Variants in SLC11A2 observed in about 807,000 individuals in gnomAD.
The protein encoded by SLC11A2 is natural resistance-associated macrophage protein 2.
Under a neutral mutation model 68.0 loss-of-function variants are expected in SLC11A2, and 38 were observed. That is an observed-to-expected ratio of 0.56 (90% CI 0.43 to 0.73). The LOEUF (loss-of-function observed/expected upper bound fraction) is 0.73, where lower values mean the gene tolerates loss of function less well. SLC11A2 is among the 30% of genes least tolerant of loss of function. The pLI is 0.00. For missense variants in SLC11A2, 517 were observed against 690.5 expected (o/e 0.75, Z 2.82); for synonymous variants, 242 against 250.6 (o/e 0.97, Z 0.32).
At chr12:51,009,165 A>C (rs1271013128) in intron 2 of SLC11A2, 8 of 1,497,790 alleles carry the variant, frequency 5.3e-6, no homozygotes, top group South Asian at 5.2e-5. Context: ...TTCTCAAAAA[A>C]TGTGCAAGTT....
intron 1 of SLC11A2, among the ~76,000 whole-genome samples, chr12:51,025,486 T>C (rs983441737): frequency 2.0e-5 from 3 of 152,216 alleles, no homozygotes; most frequent in South Asian, 2.1e-4. Context: ...AGTGTAAACA[T>C]AGCTTCTCCA....
At chr12:51,021,626 CA>C (rs11437647) in intron 1 of SLC11A2, among the ~76,000 whole-genome samples, 131 of 141,734 alleles carry the variant, frequency 9.2e-4, no homozygotes, top group Admixed American at 1.5e-3. Flanking sequence ...GACCCTGTCT[CA>C]AAAAAAAAAA....
At chr12:50,992,044 G>T in intron 13 of SLC11A2, 146 bp downstream of exon 13, 1 of 818,006 alleles carries the variant, frequency 1.2e-6, no homozygotes, top group Non-Finnish European at 2.0e-6. Flanking sequence ...AGATGCCAAG[G>T]ATTTCATATA....
chr12:51,009,904 G>A (rs1333506395), intron 2 of SLC11A2, among the ~76,000 whole-genome samples: 3 of 152,152 alleles, frequency 2.0e-5, no homozygotes, highest in African/African-American at 4.8e-5. Context: ...TTTCAGGGCC[G>A]GGCACAGTGG....
chr12:50,972,121 G>A, the SLC11A2 span, among the ~76,000 whole-genome samples: 2 of 152,218 alleles, frequency 1.3e-5, no homozygotes, highest in African/African-American at 4.8e-5. Flanking sequence ...ACTGAGGACA[G>A]CTGGCATGGA....
At chr12:51,000,651 G>C (rs1271431317) in intron 5 of SLC11A2, 1 of 590,058 alleles carries the variant, frequency 1.7e-6, no homozygotes, top group African/African-American at 1.9e-5. Context: ...CGAAGGTCAA[G>C]GCAGTAATTG....
At chr12:50,972,559 C>A in the SLC11A2 span, among the ~76,000 whole-genome samples, 20 of 152,222 alleles carry the variant, frequency 1.3e-4, no homozygotes, top group African/African-American at 4.3e-4. Flanking sequence ...CAGCTCCCAG[C>A]ATGAGCGACA....
downstream of SLC11A2, chr12:50,979,996 C>A: frequency 2.2e-6 from 1 of 452,304 alleles, no homozygotes; most frequent in Non-Finnish European, 4.4e-6. Flanking sequence ...GAGGCCAAGG[C>A]CAGCAGATTA....
downstream of SLC11A2, chr12:50,981,908 G>A: frequency 1.8e-6 from 1 of 565,880 alleles, no homozygotes. Flanking sequence ...CTTTTTTTCT[G>A]TACTGCTATA....
chr12:51,001,520 G>T (rs1942224422), intron 5 of SLC11A2, among the ~76,000 whole-genome samples: 1 of 149,720 alleles, frequency 6.7e-6, no homozygotes, highest in African/African-American at 2.5e-5. Context: ...ACCTTCACAT[G>T]TGACTGCTCT....
the SLC11A2 span, among the ~76,000 whole-genome samples, chr12:50,973,827 AACT>A: frequency 6.6e-6 from 1 of 152,254 alleles, no homozygotes; most frequent in Non-Finnish European, 1.5e-5. Context: ...ATGGCACAAG[AACT>A]ACGTGACGAA....
At chr12:50,998,041 T>C (rs1192897388) in intron 8 of SLC11A2, among the ~76,000 whole-genome samples, 1 of 150,894 alleles carries the variant, frequency 6.6e-6, no homozygotes, top group Non-Finnish European at 1.5e-5. Context: ...TTGTGGTTAT[T>C]AGTAATTCCA....
At position 50,991,584 on chromosome 12, in the gene SLC11A2, G is replaced by A. The variant is rs201248938; in HGVS notation, c.1421+15C>T. Reference sequence around the variant, plus strand: ...TATCAGCATCCCCTTTGGGAACGAAGAGGAGTACACTCACAGTCCATTGGC... The same window carrying A: ...TATCAGCATCCCCTTTGGGAACGAAAAGGAGTACACTCACAGTCCATTGGC... On this transcript the variant is annotated intron_variant, in intron 14 of 15. Coordinates refer to ENST00000262052, the MANE Select transcript of SLC11A2 (RefSeq NM_000617.3). The A allele has an allele frequency of 5.0e-6, 8 of 1,609,402 alleles. No individual in the cohort carries two copies. The East Asian group carries it at 1.8e-4, about 36-fold the overall frequency.
chr12:50,982,352 G>A (rs547308052), downstream of SLC11A2, among the ~76,000 whole-genome samples: 1 of 152,278 alleles, frequency 6.6e-6, no homozygotes, highest in African/African-American at 2.4e-5. Flanking sequence ...CCAGCTGGGT[G>A]CGGTGGCTCA....
chr12:50,965,272 C>T, the SLC11A2 span, among the ~76,000 whole-genome samples: 4 of 151,038 alleles, frequency 2.6e-5, no homozygotes, highest in African/African-American at 9.7e-5. Context: ...CACCACCATG[C>T]CTGGCTAATT....
chr12:50,989,565 T>G (rs1940941880), intron 15 of SLC11A2, among the ~76,000 whole-genome samples: 1 of 152,234 alleles, frequency 6.6e-6, no homozygotes, highest in African/African-American at 2.4e-5. Context: ...GGCATCTTCA[T>G]ATCCAATTTG....
At chr12:51,023,836 T>A (rs139443164) in intron 1 of SLC11A2, among the ~76,000 whole-genome samples, 16 of 152,090 alleles carry the variant, frequency 1.1e-4, no homozygotes, top group South Asian at 2.1e-4. Flanking sequence ...CACAAAAAAA[T>A]TTTTAAAAAT....
chr12:50,976,806 CA>C (rs1215536303), downstream of SLC11A2, among the ~76,000 whole-genome samples: 11 of 152,118 alleles, frequency 7.2e-5, no homozygotes, highest in East Asian at 1.9e-4. Context: ...TCTCAGGATA[CA>C]AAAATCAATG....
intron 11 of SLC11A2, among the ~76,000 whole-genome samples, chr12:50,993,992 CAAAAAAAAAAAAAA>C (rs71663850): frequency 2.1e-5 from 1 of 48,400 alleles, no homozygotes; most frequent in Non-Finnish European, 3.7e-5. Flanking sequence ...ACCTTGTCTC[CAAAAAAAAAAAAAA>C]AAAAAAAAAA....
Sources: allele counts gnomAD v4.1 joint callset (sites outside exome capture counted in the v4.1 genomes callset), GRCh38; gene constraint gnomAD v4.1.1; transcripts MANE v1.5; gene names NCBI Gene and HGNC (gene_info 2026-07-23, HGNC 2026-07-21).